The following NXN variants were observed in gnomAD, a reference collection of about 807,000 sequenced individuals.
NXN encodes the protein nucleoredoxin.
In NXN, 16 loss-of-function variants were observed where a neutral mutation model predicts 48.6. The ratio of observed to expected loss-of-function variants is 0.33; its 90% CI spans 0.22 to 0.50. NXN has a LOEUF of 0.50. NXN is among the 20% of genes least tolerant of loss of function. The pLI is 0.98. For synonymous variants in NXN, 281 were observed against 269.6 expected, an observed-to-expected ratio of 1.04 and a Z score of -0.41; for missense variants, 492 against 605.5, an observed-to-expected ratio of 0.81 and a Z score of 1.97.
chr17:822,395 T>C lies in NXN; in HGVS notation c.675A>G (p.Ala225=). The change falls in exon 4 of 8, where the codon GCA becomes GCG. Residue 225 remains alanine, a synonymous_variant. Coordinates refer to ENST00000336868, the MANE Select transcript of NXN (RefSeq NM_022463.5). ...CGAAGATGATCTCGAAGTTCTGGCC[T>C]GCCTCCTTGATCTTCCGGTAGGATT... is the stretch of plus-strand genomic sequence containing the variant. ...LVESYRKIKE[A]GQNFEIIFVS... 1 of 1,614,122 alleles carries C rather than the reference T, an allele frequency of 6.2e-7. No homozygotes were observed. Among genetic ancestry groups the C allele is most frequent in the Non-Finnish European group, 8.5e-7 (1 of 1,179,982 alleles).
intron 1 of NXN, among the ~76,000 whole-genome samples, chr17:947,868 G>A (rs571806255): frequency 7.5e-4 from 101 of 134,700 alleles, no homozygotes; most frequent in African/African-American, 2.2e-3. Context: ...GTGAAACTCC[G>A]TCTCTACTGA....
chr17:947,794 T>C (rs1485843756), intron 1 of NXN, among the ~76,000 whole-genome samples: 2 of 148,320 alleles, frequency 1.3e-5, no homozygotes, highest in Admixed American at 6.8e-5. Context: ...TCCTAGCACT[T>C]TGGGAGGCCG....
chr17:809,738 C>T (rs566560201), intron 5 of NXN, among the ~76,000 whole-genome samples: 2 of 151,728 alleles, frequency 1.3e-5, no homozygotes, highest in African/African-American at 4.8e-5. Flanking sequence ...AAGACCATAG[C>T]GACACGGCAA....
intron 1 of NXN, among the ~76,000 whole-genome samples, chr17:869,287 C>T (rs73975577): frequency 0.024 from 3,663 of 152,240 alleles, 131 homozygotes; most frequent in African/African-American, 0.084. Flanking sequence ...TTAAGAGGGC[C>T]GTCCAGAACT....
At chr17:801,909 A>T (rs1420658083) in intron 7 of NXN, among the ~76,000 whole-genome samples, 2 of 152,226 alleles carry the variant, frequency 1.3e-5, no homozygotes. Context: ...CAGGCAGGAC[A>T]GGAGCTGCAC....
chr17:926,745 A>G (rs1040730568), intron 1 of NXN, among the ~76,000 whole-genome samples: 1 of 792 alleles, frequency 1.3e-3, no homozygotes, highest in Non-Finnish European at 6.7e-3. Context: ...GGGTTTCGTC[A>G]TGTTCCCAAG....
At chr17:891,008 AATCT>A (rs1567850903) in intron 1 of NXN, among the ~76,000 whole-genome samples, 1 of 128,946 alleles carries the variant, frequency 7.8e-6, no homozygotes, top group African/African-American at 2.8e-5. Flanking sequence ...CAAATCAATC[AATCT>A]ATCTATCGGT....
At chr17:959,402 AG>A in intron 1 of NXN, 1 of 206,262 alleles carries the variant, frequency 4.8e-6, no homozygotes. Context: ...GAGAACGGGC[AG>A]GGCGCCACTG....
Position 958,893 on chromosome 17 carries a change from C to T in NXN, c.360+20426G>A, listed in dbSNP as rs1232933532. ...GCTGCAGTGAGTCATGATCACACTACTGTGCTCCAGCCTGGGTGACAGCCT... is the reference window on the plus strand; with the variant it reads ...GCTGCAGTGAGTCATGATCACACTATTGTGCTCCAGCCTGGGTGACAGCCT... On this transcript the variant is annotated intron_variant, in intron 1 of 7. Transcript: ENST00000336868. This position sits in a 1 kb window ranked among gnomAD's most constrained non-coding sequence, Gnocchi z 6.9. 6.5e-6 allele frequency: 1 copy of T among 154,946 alleles called. No individual in the cohort carries two copies. The highest frequency in any genetic ancestry group is 1.4e-5 in the Non-Finnish European group (1 of 69,850). 9.6% of individuals were successfully genotyped at this position (154,946 alleles called of 1,614,324 possible).
intron 1 of NXN, among the ~76,000 whole-genome samples, chr17:977,632 G>A (rs960864313): frequency 6.6e-6 from 1 of 152,194 alleles, no homozygotes; most frequent in Non-Finnish European, 1.5e-5. Flanking sequence ...ATAATTCTAT[G>A]TTTTCAAAAG....
At chr17:897,686 C>CT (rs34600233) in intron 1 of NXN, among the ~76,000 whole-genome samples, 51,163 of 151,662 alleles carry the variant, frequency 0.34, 10,546 homozygotes, top group East Asian at 0.58. Context: ...TTCTTTTATT[C>CT]TTTTTTCGAG....
intron 1 of NXN, among the ~76,000 whole-genome samples, chr17:861,386 G>A (rs774657907): frequency 3.3e-5 from 5 of 152,090 alleles, no homozygotes; most frequent in Non-Finnish European, 5.9e-5. Flanking sequence ...CGCCCACCTC[G>A]GCCTCCCACA....
At chr17:819,652 G>C (rs942979648) in intron 4 of NXN, 107 bp from the exon 5 acceptor site, 1 of 771,140 alleles carries the variant, frequency 1.3e-6, no homozygotes, top group Non-Finnish European at 2.1e-6. Flanking sequence ...AGAAGCCGGG[G>C]TTTCTAACCA....
In NXN at chr17:958,639, C is replaced by CAG. The variant is rs1567519624; in HGVS notation, c.360+20679_360+20680insCT. Among the ~76,000 whole-genome samples the CAG allele has an allele frequency of 6.6e-6, 1 of 152,030 alleles. No individual in the cohort carries two copies. ...TACAAAAATTAGCCAGGCGTGGTGG[C>CAG]GTGCGCCTGTAGTCCCAGCTACTCA... On this transcript the variant is annotated intron_variant, in intron 1 of 7. Coordinates refer to ENST00000336868, the MANE Select transcript of NXN (RefSeq NM_022463.5). The surrounding 1 kb of genome is among the most constrained non-coding windows in gnomAD (Gnocchi z 6.9).
At chr17:947,426 C>G (rs1287537371) in intron 1 of NXN, among the ~76,000 whole-genome samples, 7 of 152,132 alleles carry the variant, frequency 4.6e-5, no homozygotes, top group African/African-American at 1.7e-4. Flanking sequence ...ACGGATTCGA[C>G]TAACCCCAAA....
At chr17:810,710 T>G (rs1302473718) in intron 5 of NXN, among the ~76,000 whole-genome samples, 1 of 152,028 alleles carries the variant, frequency 6.6e-6, no homozygotes, top group Non-Finnish European at 1.5e-5. Context: ...ACCAACATGG[T>G]GAAACCCCGT....
chr17:855,572 T>C (rs1597666777), intron 1 of NXN, among the ~76,000 whole-genome samples: 1 of 152,304 alleles, frequency 6.6e-6, no homozygotes, highest in South Asian at 2.1e-4. Context: ...GAACTCTCTC[T>C]CTCTGAAAAT....
intron 5 of NXN, among the ~76,000 whole-genome samples, chr17:813,898 A>G (rs1414497630): frequency 1.3e-5 from 2 of 151,456 alleles, no homozygotes; most frequent in Non-Finnish European, 2.9e-5. Context: ...CCCGGGAGGC[A>G]GAGGTTGCAG....
chr17:870,741 T>G, intron 1 of NXN, among the ~76,000 whole-genome samples: 1 of 147,682 alleles, frequency 6.8e-6, no homozygotes, highest in African/African-American at 2.5e-5. Flanking sequence ...GGCAACAGAG[T>G]GAGACTCTGT....
Sources: allele counts gnomAD v4.1 joint callset (sites outside exome capture counted in the v4.1 genomes callset), GRCh38; gene constraint gnomAD v4.1.1; non-coding constraint Gnocchi (gnomAD v3.1); transcripts MANE v1.5; gene names NCBI Gene and HGNC (gene_info 2026-07-23, HGNC 2026-07-21).